Variants in OR2T10 observed in about 807,000 individuals in gnomAD.
The protein encoded by OR2T10 is olfactory receptor 2T10.
For synonymous variants in OR2T10, 125 were observed against 141.8 expected, an observed-to-expected ratio of 0.88 and a Z score of 0.84; for missense variants, 335 against 382.5, an observed-to-expected ratio of 0.88 and a Z score of 1.04.
intron 1 of OR2T10, among the ~76,000 whole-genome samples, chr1:248,595,710 C>A (rs1445497268): frequency 7.0e-6 from 1 of 142,588 alleles, no homozygotes; most frequent in East Asian, 2.0e-4. Context: ...TTTCCTGGAG[C>A]AGAAAGTAAT....
In OR2T10 at chr1:248,593,039, G is replaced by A. The variant is rs781099217; in HGVS notation, c.730C>T (p.His244Tyr). 34 of 1,571,830 alleles carry A rather than the reference G, an allele frequency of 2.2e-5. 7 individuals carry two copies. The African/African-American group carries it at 4.7e-4, about 22-fold the overall frequency. Residue 244 changes from histidine to tyrosine, a missense_variant, in exon 2 of 2, where the codon CAC becomes TAC. Transcript: ENST00000642090. ...RKKAFTTCSS[H>Y]ITVVSLFYGA... ...TAGAAGAGGCTGACCACTGTAATGT[G>A]GGAGGAGCAGGTGGTGAAGGCCTTT...
At chr1:248,594,207 A>AAATACTTG (rs1425518772) in intron 1 of OR2T10, among the ~76,000 whole-genome samples, 1 of 143,264 alleles carries the variant, frequency 7.0e-6, no homozygotes, top group Non-Finnish European at 1.5e-5. Context: ...CTCAAGAGTC[A>AAATACTTG]TGTCTGCAAA....
At chr1:248,594,085 ATT>A (rs1660056901) in intron 1 of OR2T10, among the ~76,000 whole-genome samples, 1 of 140,354 alleles carries the variant, frequency 7.1e-6, no homozygotes, top group South Asian at 2.2e-4. Flanking sequence ...ATATGTTCAC[ATT>A]TTGTGTGTGT....
In OR2T10 at chr1:248,593,759, C is replaced by G. The variant is rs1156974831; in HGVS notation, c.10G>C (p.Ala4Pro). 5 of 1,540,548 alleles carry G rather than the reference C, an allele frequency of 3.2e-6. No homozygotes were observed. The highest frequency in any genetic ancestry group is 2.3e-5 in the East Asian group (1 of 43,382). Residue 4 changes from alanine (A) to proline (P), a missense_variant, in exon 2 of 2, where the codon GCC (alanine) becomes CCC (proline). Coordinates refer to ENST00000642090, the MANE Select transcript of OR2T10 (RefSeq NM_001004693.2). MRL[A>P]NQTLGGDFFL... is the part of the protein sequence containing the mutation. ...AAGTCACCACCCAGGGTCTGGTTGG[C>G]CAGCCGCATGCTGTATGATCGGCTG...
chr1:248,595,731 TA>T (rs1423791067), intron 1 of OR2T10, among the ~76,000 whole-genome samples: 1 of 142,920 alleles, frequency 7.0e-6, no homozygotes, highest in East Asian at 2.0e-4. Flanking sequence ...TTTCTAAGTA[TA>T]AAGGCAAAAT....
Position 248,596,436 on chromosome 1 carries a change from C to G in OR2T10, c.-29+1056G>C, listed in dbSNP as rs767793379. Among the ~76,000 whole-genome samples the G allele has an allele frequency of 2.1e-5, 3 of 142,618 alleles. 1 individual carries two copies. The highest frequency in any genetic ancestry group is 5.6e-5 in the African/African-American group (2 of 35,998). 93.6% of individuals were successfully genotyped at this position (142,618 alleles called of 152,430 possible). A position where few individuals can be genotyped will look rare whatever the true frequency, so the allele number is the denominator to read the frequency against. On this transcript the variant is annotated intron_variant, in intron 1 of 1. Transcript: ENST00000642090. ...TGAGCTAGTCAGGGTGAGCATATCT[C>G]AGGTTTATTCAGGAGAACAAAAGTG... is the stretch of plus-strand genomic sequence containing the variant.
Position 248,594,798 on chromosome 1 carries a change from A to G in OR2T10, c.-28-1002T>C, listed in dbSNP as rs944775525. The G allele has an allele frequency of 2.8e-5, 4 of 143,708 alleles. 1 individual carries two copies. The highest frequency in any genetic ancestry group is 1.1e-4 in the African/African-American group (4 of 36,494). The allele number at this position is 143,708 out of a possible 1,614,324, so 8.9% of individuals were successfully genotyped here. On this transcript the variant is annotated intron_variant, in intron 1 of 1. Coordinates refer to ENST00000642090, the MANE Select transcript of OR2T10 (RefSeq NM_001004693.2). ...TTGCCTGTAGAATTTTGGTGAGAGA[A>G]AGTTTGCCTCAATTTATACTTATCT...
Position 248,593,338 on chromosome 1 carries a change from A to C in OR2T10, c.431T>G (p.Leu144Arg). 6.4e-7 allele frequency: 1 copy of C among 1,573,518 alleles called. No homozygotes were observed. The highest frequency in any genetic ancestry group is 1.1e-5 in the South Asian group (1 of 88,932). ...GCCCACAAACCAGCAGCCTGATGCCAGGAGGAGACATACCCTATGGCTCAT... is the reference window on the plus strand; with the variant it reads ...GCCCACAAACCAGCAGCCTGATGCCCGGAGGAGACATACCCTATGGCTCAT... ...VLMSHRVCLLLASGCWFVGSV... is the reference protein window; with the variant it reads ...VLMSHRVCLLRASGCWFVGSV... The change falls in exon 2 of 2, where the codon CTG becomes CGG. Residue 144 changes from leucine (L) to arginine (R), a missense_variant. Coordinates refer to ENST00000642090, the MANE Select transcript of OR2T10 (RefSeq NM_001004693.2).
Position 248,593,450 on chromosome 1 carries a change from A to G in OR2T10, c.319T>C (p.Leu107=), listed in dbSNP as rs776904105. 2.0e-5 allele frequency: 32 copies of G among 1,572,330 alleles called. 4 individuals carry two copies. The South Asian group carries it at 2.1e-4, about 11-fold the overall frequency. Residue 107 remains leucine (L), a synonymous_variant, in exon 2 of 2, where the codon TTG becomes CTG. Transcript: ENST00000642090. Reference sequence around the variant, plus strand: ...AGAAGGCAGCACTCTGCACCTCCCAACTGCAGGTAGAAGTACATCTGGGTG... The same window carrying G: ...AGAAGGCAGCACTCTGCACCTCCCAGCTGCAGGTAGAAGTACATCTGGGTG... ...CGTQMYFYLQ[L]GGAECCLLAA...
chr1:248,595,884 A>C lies in OR2T10; in HGVS notation c.-29+1608T>G, dbSNP rs113607022. On this transcript the variant is annotated intron_variant, in intron 1 of 1. Transcript: ENST00000642090. ...CATATATCCAGCAGTGAAACAGCAT[A>C]GAGGCCCTGTCTCTCAGATATCCAA... 2.7e-3 allele frequency among the ~76,000 whole-genome samples: 390 copies of C among 143,412 alleles called. 41 individuals carry two copies. The highest frequency in any genetic ancestry group is 0.01 in the African/African-American group (376 of 36,492). 94.1% of individuals were successfully genotyped at this position (143,412 alleles called of 152,430 possible).
In OR2T10 at chr1:248,593,138, C is replaced by T. The variant is rs1383450985; in HGVS notation, c.631G>A (p.Val211Met). ...LCCVIMLLIP[V>M]TVISVSYYYI... ...TAGTAAGACACTGAAATGACCGTCA[C>T]AGGTATCAGGAGCATGATGACACAG... is the stretch of plus-strand genomic sequence containing the variant. Residue 211 changes from valine to methionine, a missense_variant, in exon 2 of 2, where the codon GTG (valine) becomes ATG (methionine). Transcript: ENST00000642090. 3 of 1,572,838 alleles carry T rather than the reference C, an allele frequency of 1.9e-6. No homozygotes were observed. Among genetic ancestry groups the T allele is most frequent in the Non-Finnish European group, 8.6e-7 (1 of 1,156,684 alleles).
At position 248,593,537 on chromosome 1, in the gene OR2T10, C is replaced by G; in HGVS notation, c.232G>C (p.Val78Leu). 6.4e-7 allele frequency: 1 copy of G among 1,570,110 alleles called. No homozygotes were observed. The highest frequency in any genetic ancestry group is 1.1e-5 in the South Asian group (1 of 88,800). ...LIDLTYISVT[V>L]PKMLVNQLAK... ...AGCTGGTTCACCAGCATTTTGGGGACAGTGACAGAAATATATGTCAAGTCT... is the reference window on the plus strand; with the variant it reads ...AGCTGGTTCACCAGCATTTTGGGGAGAGTGACAGAAATATATGTCAAGTCT... The change falls in exon 2 of 2, where the codon GTC becomes CTC. Residue 78 changes from valine to leucine, a missense_variant. By Grantham distance (32) the Val-to-Leu change is conservative. Transcript: ENST00000642090.
Position 248,594,208 on chromosome 1 carries a change from T to C in OR2T10, c.-28-412A>G, listed in dbSNP as rs761172057. Among the ~76,000 whole-genome samples the C allele has an allele frequency of 2.1e-5, 3 of 143,196 alleles. 1 individual carries two copies. The highest frequency in any genetic ancestry group is 5.5e-5 in the African/African-American group (2 of 36,318). The allele number at this position is 143,196 out of a possible 152,430, so 93.9% of individuals were successfully genotyped here. The stretch of plus-strand genomic sequence containing the variant: ...CTATATATTTGACCCTCAAGAGTCA[T>C]GTCTGCAAAAAAGGATTAGTAATAC... On this transcript the variant is annotated intron_variant, in intron 1 of 1. Coordinates refer to ENST00000642090, the MANE Select transcript of OR2T10 (RefSeq NM_001004693.2).
Position 248,592,951 on chromosome 1 carries a change from A to C in OR2T10, c.818T>G (p.Met273Arg). Reference sequence around the variant, plus strand: ...AAGGATAGTGTAGAAAAAGGATGACATCATATCTTTCTCAGGAGTTTGGTA... The same window carrying C: ...AAGGATAGTGTAGAAAAAGGATGACCTCATATCTTTCTCAGGAGTTTGGTA... ...SSYQTPEKDM[M>R]SSFFYTILTP... The change falls in exon 2 of 2, where the codon ATG becomes AGG. Residue 273 changes from methionine (M) to arginine (R), a missense_variant. Met to Arg is a moderately conservative substitution (Grantham distance 91). Transcript: ENST00000642090. 6.4e-7 allele frequency: 1 copy of C among 1,566,554 alleles called. No individual in the cohort carries two copies. The highest frequency in any genetic ancestry group is 8.7e-7 in the Non-Finnish European group (1 of 1,150,746).
chr1:248,593,161 C>T lies in OR2T10; in HGVS notation c.608G>A (p.Cys203Tyr). The change falls in exon 2 of 2, where the codon TGT becomes TAT. Residue 203 changes from cysteine (C) to tyrosine (Y), a missense_variant. Coordinates refer to ENST00000642090, the MANE Select transcript of OR2T10 (RefSeq NM_001004693.2). ...CACAGGTATCAGGAGCATGATGACA[C>T]AGCACAAGTACATGAAAATCTTGTA... ...SLYKIFMYLC[C>Y]VIMLLIPVTV... The T allele has an allele frequency of 6.4e-7, 1 of 1,572,652 alleles. No homozygotes were observed. The highest frequency in any genetic ancestry group is 8.6e-7 in the Non-Finnish European group (1 of 1,156,430).
In OR2T10 at chr1:248,593,094, G is replaced by A. The variant is rs1247581320; in HGVS notation, c.675C>T (p.Ile225=). The A allele has an allele frequency of 1.9e-6, 3 of 1,572,408 alleles. 1 individual carries two copies. The African/African-American group carries it at 4.5e-5, about 24-fold the overall frequency. ...GACCCTCAACTGAGTTCATCTTATGGATGGTGAGGATGATATAGTAGTAAG... is the reference window on the plus strand; with the variant it reads ...GACCCTCAACTGAGTTCATCTTATGAATGGTGAGGATGATATAGTAGTAAG... The part of the protein sequence containing the change: ...SVSYYYIILT[I]HKMNSVEGRK... Residue 225 remains isoleucine, a synonymous_variant, in exon 2 of 2, where the codon ATC becomes ATT. Coordinates refer to ENST00000642090, the MANE Select transcript of OR2T10 (RefSeq NM_001004693.2).
intron 1 of OR2T10, among the ~76,000 whole-genome samples, chr1:248,596,094 C>T (rs752530336): frequency 1.4e-5 from 2 of 143,846 alleles, no homozygotes; most frequent in Non-Finnish European, 3.0e-5. Context: ...ATTGAATGAT[C>T]ATCGTCCATC....
Position 248,592,823 on chromosome 1 carries a change from T to C in OR2T10, c.*7A>G. The C allele has an allele frequency of 1.0e-5, 15 of 1,471,636 alleles. 1 individual carries two copies. The highest frequency in any genetic ancestry group is 1.4e-5 in the Non-Finnish European group (15 of 1,082,210). The allele number at this position is 1,471,636 out of a possible 1,614,324, so 91.2% of individuals were successfully genotyped here. A position where few individuals can be genotyped will look rare whatever the true frequency, so the allele number is the denominator to read the frequency against. ...GAAGAGAGGACCAACTTAAGTTCTT[T>C]CACACTTTAATATGGAGGTTTCTGC... On this transcript the variant is annotated 3_prime_UTR_variant, in exon 2 of 2. Transcript: ENST00000642090.
rs573391958 is a variant in OR2T10 at position 248,592,924 on chromosome 1, G to A, written c.845C>T (p.Thr282Ile). 8.3e-6 allele frequency: 13 copies of A among 1,565,598 alleles called. 1 individual carries two copies. The highest frequency in any genetic ancestry group is 7.9e-5 in the South Asian group (7 of 88,766). The change falls in exon 2 of 2, where the codon ACA (threonine) becomes ATA (isoleucine). Residue 282 changes from threonine (T) to isoleucine (I), a missense_variant. By Grantham distance (89) the Thr-to-Ile change is moderately conservative. Transcript: ENST00000642090. The part of the protein sequence containing the change: ...MMSSFFYTIL[T>I]PVLNPIIYSF... ...GTAAATGATAGGATTCAAGACAGGT[G>A]TAAGGATAGTGTAGAAAAAGGATGA...
Sources: allele counts gnomAD v4.1 joint callset (sites outside exome capture counted in the v4.1 genomes callset), GRCh38; gene constraint gnomAD v4.1.1; transcripts MANE v1.5; gene names NCBI Gene and HGNC (gene_info 2026-07-23, HGNC 2026-07-21).